Variants in MAGI2 observed in about 807,000 individuals in gnomAD.
MAGI2 encodes membrane associated guanylate kinase, WW and PDZ domain containing 2.
In MAGI2, 35 loss-of-function variants were observed where a neutral mutation model predicts 133.3. The observed-to-expected ratio is 0.26, with a 90% CI of 0.20 to 0.35. The LOEUF (loss-of-function observed/expected upper bound fraction) is 0.35. Among genes scored for constraint, MAGI2 ranks in the 10% least tolerant of loss-of-function variants. MAGI2 has a pLI of 1.00. For missense variants in MAGI2, 1,636 were observed against 1,863.4 expected (o/e 0.88, Z 2.25); for synonymous variants, 729 against 710.6 (o/e 1.03, Z -0.41).
intron 2 of MAGI2, among the ~76,000 whole-genome samples, chr7:78,659,180 G>T (rs1466416519): frequency 6.6e-6 from 1 of 151,734 alleles, no homozygotes; most frequent in East Asian, 1.9e-4. Context: ...GGCCGGGCGC[G>T]GTGACTCACG....
intron 1 of MAGI2, among the ~76,000 whole-genome samples, chr7:79,285,250 T>C (rs969537733): frequency 1.3e-5 from 2 of 151,924 alleles, no homozygotes; most frequent in Non-Finnish European, 2.9e-5. Flanking sequence ...ACTTTTATTT[T>C]TTATAATAGC....
chr7:78,510,010 A>AT (rs1266374993), intron 4 of MAGI2, among the ~76,000 whole-genome samples: 3 of 152,170 alleles, frequency 2.0e-5, no homozygotes, highest in Non-Finnish European at 2.9e-5. Flanking sequence ...AAATCCAATA[A>AT]TTTTTTCTCC....
intron 3 of MAGI2, among the ~76,000 whole-genome samples, chr7:78,526,117 T>C (rs776847101): frequency 4.6e-5 from 7 of 152,234 alleles, no homozygotes; most frequent in African/African-American, 1.4e-4. Context: ...GGAAAACTTA[T>C]ATCTCTTTGA....
intron 7 of MAGI2, among the ~76,000 whole-genome samples, chr7:78,350,752 G>C (rs1791421637): frequency 6.6e-6 from 1 of 152,114 alleles, no homozygotes; most frequent in African/African-American, 2.4e-5. Context: ...GGAAAGGGAG[G>C]AATTAGGAGG....
At chr7:79,370,140 T>C (rs1563160342) in intron 1 of MAGI2, among the ~76,000 whole-genome samples, 1 of 152,156 alleles carries the variant, frequency 6.6e-6, no homozygotes, top group Non-Finnish European at 1.5e-5. Flanking sequence ...TCTTATATGT[T>C]TTAGCTTTTA....
intron 1 of MAGI2, among the ~76,000 whole-genome samples, chr7:79,232,741 C>T (rs371171228): frequency 7.9e-6 from 1 of 126,188 alleles, no homozygotes; most frequent in Non-Finnish European, 1.6e-5. Context: ...TTTCAAAAAA[C>T]CAGCTCCTGG....
intron 16 of MAGI2, among the ~76,000 whole-genome samples, chr7:78,146,495 G>A (rs1196024418): frequency 2.6e-5 from 4 of 152,056 alleles, no homozygotes; most frequent in South Asian, 2.1e-4. Context: ...TGTACCCAAC[G>A]TTTAAAAGCC....
intron 1 of MAGI2, chr7:79,412,744 A>G (rs1466989655): frequency 6.6e-6 from 1 of 152,174 alleles, no homozygotes; most frequent in Non-Finnish European, 1.5e-5. Flanking sequence ...TTACCACTCC[A>G]GGACTCAGCC....
intron 9 of MAGI2, among the ~76,000 whole-genome samples, chr7:78,311,899 T>C (rs1471130995): frequency 6.6e-6 from 1 of 151,940 alleles, no homozygotes; most frequent in Non-Finnish European, 1.5e-5. Flanking sequence ...GCCTCCCTAG[T>C]AGCTGGGATT....
intron 1 of MAGI2, among the ~76,000 whole-genome samples, chr7:79,287,229 G>A (rs1389559047): frequency 6.6e-6 from 1 of 152,026 alleles, no homozygotes; most frequent in African/African-American, 2.4e-5. Flanking sequence ...CATGTAATTT[G>A]TAAGCACTCT....
Position 78,796,695 on chromosome 7 carries a change from G to A in MAGI2, c.419-169456C>T, listed in dbSNP as rs541920801. ...AATCTGCACTCCCATGTTTATTGCA[G>A]CACTGTTCACAATAGCCAAGATATG... is the stretch of plus-strand genomic sequence containing the variant. On this transcript the variant is annotated intron_variant, in intron 2 of 21. Transcript: ENST00000354212. 1.5e-4 allele frequency among the ~76,000 whole-genome samples: 23 copies of A among 152,230 alleles called. No homozygotes were observed. In the East Asian group the frequency reaches 4.4e-3, roughly 29 times the overall value.
chr7:78,811,258 G>A (rs769714262), intron 2 of MAGI2, among the ~76,000 whole-genome samples: 7 of 152,020 alleles, frequency 4.6e-5, no homozygotes, highest in Non-Finnish European at 1.0e-4. Context: ...TAAATATGCT[G>A]TTTGCTGTTA....
At chr7:79,134,005 A>G (rs947646708) in intron 1 of MAGI2, among the ~76,000 whole-genome samples, 1 of 152,208 alleles carries the variant, frequency 6.6e-6, no homozygotes, top group African/African-American at 2.4e-5. Context: ...ACATACACAT[A>G]TCTTCATTGT....
intron 1 of MAGI2, among the ~76,000 whole-genome samples, chr7:79,240,658 T>C (rs1277836781): frequency 1.3e-5 from 2 of 152,216 alleles, no homozygotes; most frequent in African/African-American, 4.8e-5. Flanking sequence ...CAACTTATGA[T>C]TTCAAGGAAG....
intron 1 of MAGI2, among the ~76,000 whole-genome samples, chr7:79,173,164 G>A (rs540326107): frequency 1.3e-5 from 2 of 151,706 alleles, no homozygotes; most frequent in Non-Finnish European, 2.9e-5. Flanking sequence ...ATTCATAATA[G>A]CAACAAAAAG....
chr7:78,247,560 G>A (rs1316679118), intron 10 of MAGI2, among the ~76,000 whole-genome samples: 2 of 152,074 alleles, frequency 1.3e-5, no homozygotes, highest in Non-Finnish European at 2.9e-5. Context: ...CAGAGAAACA[G>A]TTCATGATCT....
At chr7:79,067,195 G>C (rs1814438323) in intron 1 of MAGI2, among the ~76,000 whole-genome samples, 1 of 152,078 alleles carries the variant, frequency 6.6e-6, no homozygotes, top group Admixed American at 6.6e-5. Context: ...AAATTACTTT[G>C]GGCAGTATGG....
At chr7:78,800,274 C>T (rs1787955565) in intron 2 of MAGI2, among the ~76,000 whole-genome samples, 1 of 152,058 alleles carries the variant, frequency 6.6e-6, no homozygotes, top group African/African-American at 2.4e-5. Context: ...CTTATTTTTA[C>T]TGACAATTCA....
Position 78,160,130 on chromosome 7 carries a change from G to C in MAGI2, c.2740C>G (p.His914Asp), listed in dbSNP as rs976836219. ...ACCACATCACTGGTCTGCAGGCTGT[G>C]GGAGGCGAAGCCTTCAGGGGGAGAG... ...NASPPEGFAS[H>D]SLQTSDVVIH... is the part of the protein sequence containing the mutation. The change falls in exon 16 of 22, where the codon CAC becomes GAC. Residue 914 changes from histidine (H) to aspartate (D), a missense_variant. By Grantham distance (81) the His-to-Asp change is moderately conservative. This residue lies in a region of MAGI2 where 920 missense variants were observed against 1,093.5 expected (regional missense o/e 0.84). Transcript: ENST00000354212. The C allele has an allele frequency of 6.2e-7, 1 of 1,612,044 alleles. No homozygotes were observed. Among genetic ancestry groups the C allele is most frequent in the Non-Finnish European group, 8.5e-7 (1 of 1,179,134 alleles).
Sources: allele counts gnomAD v4.1 joint callset (sites outside exome capture counted in the v4.1 genomes callset), GRCh38; gene constraint gnomAD v4.1.1; regional missense constraint gnomAD v4.1.1; transcripts MANE v1.5; gene names NCBI Gene and HGNC (gene_info 2026-07-23, HGNC 2026-07-21).